Variants in SEMA3E observed in about 807,000 individuals in gnomAD.
SEMA3E encodes semaphorin 3E.
A neutral mutation model predicts 93.6 loss-of-function variants in SEMA3E; 49 were observed. The ratio of observed to expected loss-of-function variants is 0.52; its 90% CI spans 0.42 to 0.66. SEMA3E has a LOEUF of 0.66. SEMA3E is among the 30% of genes least tolerant of loss of function. The pLI is 0.00. For missense variants in SEMA3E, 906 were observed against 964.8 expected (o/e 0.94, Z 0.81); for synonymous variants, 363 against 330.7 (o/e 1.10, Z -1.06).
chr7:83,459,869 T>A (rs1253832291), intron 4 of SEMA3E, among the ~76,000 whole-genome samples: 1 of 152,172 alleles, frequency 6.6e-6, no homozygotes, highest in Non-Finnish European at 1.5e-5. Flanking sequence ...AAAGTCCTTC[T>A]CCTGGCTCAT....
intron 1 of SEMA3E, among the ~76,000 whole-genome samples, chr7:83,595,178 T>C (rs547246504): frequency 6.6e-6 from 1 of 152,192 alleles, no homozygotes; most frequent in South Asian, 2.1e-4. Flanking sequence ...AGATTTCTTC[T>C]TTTAAATAAG....
chr7:83,366,877 T>G lies in SEMA3E; in HGVS notation c.*709A>C, dbSNP rs1039946481. On this transcript the variant is annotated 3_prime_UTR_variant, in exon 17 of 17. Coordinates refer to ENST00000643230, the MANE Select transcript of SEMA3E (RefSeq NM_012431.3). ...ATCCTAACTATAACTTCATCTGATT[T>G]GACATTCTTTCTGAGATTTGATATC... 1.3e-5 allele frequency: 2 copies of G among 152,228 alleles called. No homozygotes were observed. Among genetic ancestry groups the G allele is most frequent in the African/African-American group, 4.8e-5 (2 of 41,466 alleles). 9.4% of individuals were successfully genotyped at this position (152,228 alleles called of 1,614,324 possible). A position where few individuals can be genotyped will look rare whatever the true frequency, so the allele number is the denominator to read the frequency against.
chr7:83,497,776 CTAT>C (rs1301167718), intron 1 of SEMA3E, among the ~76,000 whole-genome samples: 3 of 152,140 alleles, frequency 2.0e-5, no homozygotes, highest in Non-Finnish European at 4.4e-5. Context: ...CTTTTAGGTT[CTAT>C]TATTTTCACA....
At chr7:83,392,778 T>C in intron 13 of SEMA3E, 57 bp from the exon 14 acceptor site, 1 of 1,486,662 alleles carries the variant, frequency 6.7e-7, no homozygotes. Context: ...CACTGAGCTA[T>C]TACACCTAGT....
intron 1 of SEMA3E, among the ~76,000 whole-genome samples, chr7:83,512,408 A>C (rs1244730184): frequency 6.6e-6 from 1 of 152,238 alleles, no homozygotes; most frequent in Non-Finnish European, 1.5e-5. Flanking sequence ...GACTCACAAA[A>C]TAGAGAACTC....
At chr7:83,450,178 A>G (rs1036045136) in intron 4 of SEMA3E, among the ~76,000 whole-genome samples, 1 of 152,226 alleles carries the variant, frequency 6.6e-6, no homozygotes, top group African/African-American at 2.4e-5. Flanking sequence ...TGTGGGCATA[A>G]AATAGGTACA....
chr7:83,389,167 AT>A (rs950618328), intron 14 of SEMA3E, among the ~76,000 whole-genome samples: 1 of 152,142 alleles, frequency 6.6e-6, no homozygotes, highest in African/African-American at 2.4e-5. Flanking sequence ...AGAAAGTTGT[AT>A]GATTCTATAT....
At position 83,490,227 on chromosome 7, in the gene SEMA3E, A is replaced by C; in HGVS notation, c.163T>G (p.Phe55Val). ...AGCAGCATTGTATGGAGATCAAGAA[A>C]TCCAAAAGGGCTATGAAATATTGAT... ...RTSIFHSPFG[F>V]LDLHTMLLDE... is the part of the protein sequence containing the mutation. The change falls in exon 2 of 17, where the codon TTT becomes GTT. Residue 55 changes from phenylalanine to valine, a missense_variant. Physicochemically the swap from Phe to Val is conservative, Grantham distance 50. Coordinates refer to ENST00000643230, the MANE Select transcript of SEMA3E (RefSeq NM_012431.3). 6.2e-7 allele frequency: 1 copy of C among 1,613,008 alleles called. No homozygotes were observed. The highest frequency in any genetic ancestry group is 8.5e-7 in the Non-Finnish European group (1 of 1,179,436).
intron 16 of SEMA3E, among the ~76,000 whole-genome samples, chr7:83,369,378 C>T (rs1794720434): frequency 6.6e-6 from 1 of 152,092 alleles, no homozygotes; most frequent in Non-Finnish European, 1.5e-5. Flanking sequence ...GGTGTAGAAA[C>T]TGGTATCCAC....
chr7:83,633,708 A>G (rs1458330488), intron 1 of SEMA3E, among the ~76,000 whole-genome samples: 1 of 152,160 alleles, frequency 6.6e-6, no homozygotes, highest in Admixed American at 6.5e-5. Context: ...CAAAAGCAGT[A>G]TGGGAGAGAG....
chr7:83,512,487 A>G (rs1790845260), intron 1 of SEMA3E, among the ~76,000 whole-genome samples: 1 of 152,236 alleles, frequency 6.6e-6, no homozygotes, highest in Admixed American at 6.5e-5. Context: ...AAGATAAGGC[A>G]AAGAGATGGG....
chr7:83,416,487 T>G (rs7787609), intron 5 of SEMA3E, among the ~76,000 whole-genome samples: 29,212 of 152,078 alleles, frequency 0.19, 3,199 homozygotes, highest in Middle Eastern at 0.3. Flanking sequence ...TCATAGAAAT[T>G]ATTATTAACT....
intron 1 of SEMA3E, among the ~76,000 whole-genome samples, chr7:83,580,804 C>T (rs1049286737): frequency 1.3e-5 from 2 of 151,844 alleles, no homozygotes; most frequent in African/African-American, 2.4e-5. Context: ...TTAATTTTAA[C>T]TTCTTTTCCA....
intron 1 of SEMA3E, among the ~76,000 whole-genome samples, chr7:83,562,817 G>A (rs974127371): frequency 8.5e-5 from 13 of 152,072 alleles, no homozygotes; most frequent in Non-Finnish European, 1.8e-4. Flanking sequence ...AAAAAGGAGA[G>A]AGAGGTAAGA....
At position 83,365,752 on chromosome 7, in the gene SEMA3E, G is replaced by A. The variant is rs1794657152; in HGVS notation, c.*1834C>T. ...GAGAAAATCCTGCTTTCTTTCTTGT[G>A]TGTTAATGGAAGGCAATTTTCAATA... On this transcript the variant is annotated 3_prime_UTR_variant, in exon 17 of 17. Transcript: ENST00000643230. The A allele has an allele frequency of 6.6e-6, 1 of 152,028 alleles. No homozygotes were observed. Among genetic ancestry groups the A allele is most frequent in the Non-Finnish European group, 1.5e-5 (1 of 67,986 alleles). 9.4% of individuals were successfully genotyped at this position (152,028 alleles called of 1,614,324 possible).
At chr7:83,573,301 G>A (rs933525112) in intron 1 of SEMA3E, among the ~76,000 whole-genome samples, 4 of 151,736 alleles carry the variant, frequency 2.6e-5, no homozygotes, top group Non-Finnish European at 5.9e-5. Flanking sequence ...TTATGATTTT[G>A]TCATTTTTAT....
At chr7:83,405,840 T>C (rs1788318474) in intron 8 of SEMA3E, 105 bp downstream of exon 8, 16 of 896,610 alleles carry the variant, frequency 1.8e-5, no homozygotes, top group South Asian at 1.2e-4. Context: ...CTATGTTAGA[T>C]AGAGGTCAAA....
intron 5 of SEMA3E, among the ~76,000 whole-genome samples, chr7:83,414,580 G>A (rs927223509): frequency 2.4e-4 from 37 of 151,804 alleles, no homozygotes; most frequent in Non-Finnish European, 3.7e-4. Flanking sequence ...AAAAAGTGTA[G>A]GAAAAATTCA....
chr7:83,468,259 G>A (rs1789815137), intron 3 of SEMA3E, among the ~76,000 whole-genome samples: 1 of 152,222 alleles, frequency 6.6e-6, no homozygotes, highest in African/African-American at 2.4e-5. Flanking sequence ...TTCTTTGGGT[G>A]ACCCATATAT....
Sources: allele counts gnomAD v4.1 joint callset (sites outside exome capture counted in the v4.1 genomes callset), GRCh38; gene constraint gnomAD v4.1.1; transcripts MANE v1.5; gene names NCBI Gene and HGNC (gene_info 2026-07-23, HGNC 2026-07-21).